TPX2: variants seen among roughly 807,000 people sequenced by gnomAD.
TPX2 encodes the protein TPX2 microtubule nucleation factor.
TPX2 carries 21 observed loss-of-function variants against 93.6 expected under a neutral mutation model. The ratio of observed to expected loss-of-function variants is 0.22; its 90% CI spans 0.16 to 0.32. TPX2 has a LOEUF of 0.32. TPX2 is among the 10% of genes least tolerant of loss of function. TPX2 has a pLI of 1.00. For synonymous variants in TPX2, 281 were observed against 298.3 expected, an observed-to-expected ratio of 0.94 and a Z score of 0.60; for missense variants, 776 against 871.1, an observed-to-expected ratio of 0.89 and a Z score of 1.37.
intron 7 of TPX2, among the ~76,000 whole-genome samples, chr20:31,773,069 T>C (rs1363711193): frequency 6.9e-6 from 1 of 144,174 alleles, no homozygotes; most frequent in Non-Finnish European, 1.5e-5. Context: ...CTCCGCCTCC[T>C]GGGTTCAAGT....
In TPX2 at chr20:31,766,460, T is replaced by C. The variant is rs1003203729; in HGVS notation, c.230-96T>C. ...GTTTCTGTGGCTTAGACAGGGTGTG[T>C]GTGTGTGTGTGTGTGTGTGTGTGTG... On this transcript the variant is annotated intron_variant, in intron 4 of 17. Transcript: ENST00000300403. The C allele has an allele frequency of 8.9e-6, 8 of 895,862 alleles. No individual in the cohort carries two copies. In the East Asian group the frequency reaches 1.7e-4, roughly 19 times the overall value. 55.5% of individuals were successfully genotyped at this position (895,862 alleles called of 1,614,324 possible).
intron 2 of TPX2, among the ~76,000 whole-genome samples, chr20:31,749,136 C>T (rs899312302): frequency 2.6e-5 from 4 of 151,832 alleles, no homozygotes; most frequent in Non-Finnish European, 5.9e-5. Context: ...TTAGTAGAGA[C>T]GGGGTTTCAC....
Position 31,800,973 on chromosome 20 carries a change from C to A in TPX2, c.2137C>A (p.His713Asn). The change falls in exon 18 of 18, where the codon CAT (histidine) becomes AAT (asparagine). Residue 713 changes from histidine (H) to asparagine (N), a missense_variant. Around this residue, in one of 3 missense-constraint regions of TPX2, gnomAD observed 461 missense variants for 551.2 expected, o/e 0.84. Coordinates refer to ENST00000300403, the MANE Select transcript of TPX2 (RefSeq NM_012112.5). ...ELARLRRELV[H>N]KANPIRKYQG... ...GTAACTTTTCCTTACTTTGCAGGTG[C>A]ATAAGGCAAATCCAATACGCAAGTA... 1 of 1,613,864 alleles carries A rather than the reference C, an allele frequency of 6.2e-7. No individual in the cohort carries two copies. The highest frequency in any genetic ancestry group is 8.5e-7 in the Non-Finnish European group (1 of 1,179,764).
chr20:31,758,080 A>G (rs7346261), intron 3 of TPX2, among the ~76,000 whole-genome samples: 2 of 148,356 alleles, frequency 1.3e-5, no homozygotes, highest in Non-Finnish European at 3.0e-5. Context: ...ATCTTTTATA[A>G]TTACCCTCAC....
chr20:31,777,520 C>A lies in TPX2; in HGVS notation c.764C>A (p.Thr255Asn), dbSNP rs2062008268. 1 of 1,613,942 alleles carries A rather than the reference C, an allele frequency of 6.2e-7. No individual in the cohort carries two copies. The highest frequency in any genetic ancestry group is 2.2e-5 in the East Asian group (1 of 44,896). Residue 255 changes from threonine (T) to asparagine (N), a missense_variant, in exon 9 of 18, where the codon ACC becomes AAC. Thr to Asn is a moderately conservative substitution (Grantham distance 65). Transcript: ENST00000300403. ...GTGAAGAAATCAGTGAGCCAGGTCACCAAATCAGTTGACTTCCACTTCCGC... is the reference window on the plus strand; with the variant it reads ...GTGAAGAAATCAGTGAGCCAGGTCAACAAATCAGTTGACTTCCACTTCCGC... ...QPVKKSVSQV[T>N]KSVDFHFRTD...
chr20:31,787,050 G>A (rs1004007408), intron 12 of TPX2, among the ~76,000 whole-genome samples: 6 of 151,880 alleles, frequency 4.0e-5, no homozygotes, highest in East Asian at 1.9e-4. Flanking sequence ...TGCCTGACAC[G>A]CAGTAAGCAG....
At chr20:31,795,290 C>T (rs1473310206) in intron 15 of TPX2, among the ~76,000 whole-genome samples, 3 of 152,214 alleles carry the variant, frequency 2.0e-5, no homozygotes, top group Admixed American at 6.5e-5. Context: ...CGTGCCACCA[C>T]GCCCAGCTAA....
intron 5 of TPX2, among the ~76,000 whole-genome samples, chr20:31,768,036 A>G (rs779350185): frequency 1.3e-5 from 2 of 150,768 alleles, no homozygotes; most frequent in Non-Finnish European, 2.9e-5. Flanking sequence ...GGTGTAAGCA[A>G]TCCTTCTGCC....
chr20:31,774,612 C>T (rs1425656220), intron 7 of TPX2, among the ~76,000 whole-genome samples: 1 of 152,128 alleles, frequency 6.6e-6, no homozygotes, highest in Non-Finnish European at 1.5e-5. Context: ...AACTGAGGCT[C>T]AGGGAAGTTA....
intron 2 of TPX2, among the ~76,000 whole-genome samples, chr20:31,754,987 CA>C (rs2061842729): frequency 1.3e-5 from 2 of 152,164 alleles, no homozygotes; most frequent in African/African-American, 4.8e-5. Context: ...TCGCTCTTGT[CA>C]CCCAGGCTGG....
chr20:31,776,425 A>G (rs1337437288), intron 8 of TPX2, among the ~76,000 whole-genome samples: 1 of 151,932 alleles, frequency 6.6e-6, no homozygotes, highest in Non-Finnish European at 1.5e-5. Flanking sequence ...AGGCTTTCTC[A>G]TTTAGTAGTC....
chr20:31,752,814 C>T (rs1263009053), intron 2 of TPX2, among the ~76,000 whole-genome samples: 1 of 152,058 alleles, frequency 6.6e-6, no homozygotes, highest in Admixed American at 6.6e-5. Flanking sequence ...CGGGGTTTCA[C>T]CATGTTAGCC....
At chr20:31,777,743 A>T (rs897966438) in intron 9 of TPX2, 105 bp downstream of exon 9, 19 of 1,217,346 alleles carry the variant, frequency 1.6e-5, no homozygotes, top group Middle Eastern at 2.5e-4. Flanking sequence ...GAGAAAAAAA[A>T]CCTTGTGTCT....
chr20:31,775,251 C>T (rs2123037113), intron 7 of TPX2, among the ~76,000 whole-genome samples: 1 of 152,036 alleles, frequency 6.6e-6, no homozygotes, highest in South Asian at 2.1e-4. Context: ...AGCCACTGCA[C>T]CCAGTCCAAT....
At chr20:31,791,318 C>T (rs145084303) in intron 12 of TPX2, among the ~76,000 whole-genome samples, 100 of 152,276 alleles carry the variant, frequency 6.6e-4, no homozygotes, top group African/African-American at 2.3e-3. Context: ...GAGTCTTGCT[C>T]TGTCGCCCAG....
At chr20:31,765,929 A>G (rs556962675) in intron 4 of TPX2, among the ~76,000 whole-genome samples, 1 of 152,276 alleles carries the variant, frequency 6.6e-6, no homozygotes, top group South Asian at 2.1e-4. Context: ...TATTTTTACT[A>G]TCTTTGCTGC....
intron 5 of TPX2, among the ~76,000 whole-genome samples, chr20:31,768,219 C>A (rs2061941019): frequency 6.6e-6 from 1 of 151,062 alleles, no homozygotes; most frequent in Non-Finnish European, 1.5e-5. Context: ...CAGGCGTGAG[C>A]CACCATGCCC....
At chr20:31,766,530 GC>G in intron 4 of TPX2, 25 bp from the exon 5 acceptor site, 1 of 1,597,938 alleles carries the variant, frequency 6.3e-7, no homozygotes, top group Non-Finnish European at 8.5e-7. Context: ...GCCTTTGAGT[GC>G]TGACTAGCTT....
chr20:31,776,677 C>G (rs2062002136), intron 8 of TPX2, among the ~76,000 whole-genome samples: 1 of 151,978 alleles, frequency 6.6e-6, no homozygotes, highest in African/African-American at 2.4e-5. Flanking sequence ...AGGGGTCCAC[C>G]ACCACGTCTG....
Sources: gnomAD v4.1 joint callset for allele counts (sites outside exome capture counted in the v4.1 genomes callset) on GRCh38, gnomAD v4.1.1 for gene constraint, gnomAD v4.1.1 regional missense constraint, MANE v1.5 for transcripts, NCBI Gene and HGNC (gene_info 2026-07-23, HGNC 2026-07-21) for gene names.